The following DPP10 variants were observed in gnomAD, a reference collection of about 807,000 sequenced individuals.
The protein encoded by DPP10 is dipeptidyl peptidase like 10.
A neutral mutation model predicts 120.9 loss-of-function variants in DPP10; 33 were observed. The ratio of observed to expected loss-of-function variants is 0.27; its 90% CI spans 0.21 to 0.37. DPP10 has a LOEUF of 0.37. Among genes scored for constraint, DPP10 ranks in the 10% least tolerant of loss-of-function variants. DPP10 has a pLI of 1.00. For missense variants in DPP10, 816 were observed against 942.8 expected, an observed-to-expected ratio of 0.87 and a Z score of 1.76; for synonymous variants, 337 against 326.1, an observed-to-expected ratio of 1.03 and a Z score of -0.36.
Position 115,844,079 on chromosome 2 carries a change from G to A in DPP10, c.*1734G>A, listed in dbSNP as rs745813444. 1.3e-5 allele frequency: 2 copies of A among 152,504 alleles called. No homozygotes were observed. Among genetic ancestry groups the A allele is most frequent in the Non-Finnish European group, 2.9e-5 (2 of 67,978 alleles). 9.4% of individuals were successfully genotyped at this position (152,504 alleles called of 1,614,324 possible). On this transcript the variant is annotated 3_prime_UTR_variant, in exon 26 of 26. Coordinates refer to ENST00000410059, the MANE Select transcript of DPP10 (RefSeq NM_020868.6). ...ACTGGGTTCAATTTAAAATAGGAGA[G>A]GCTTTCTCTTCTGAAAGATCCATTT...
intron 19 of DPP10, 105 bp from the exon 20 acceptor site, chr2:115,814,688 G>A: frequency 1.1e-6 from 1 of 876,840 alleles, no homozygotes; most frequent in Non-Finnish European, 1.6e-6. Flanking sequence ...AATTTTAATA[G>A]CCAGCACAGT....
At chr2:114,957,778 A>G (rs1698324199) in intron 1 of DPP10, among the ~76,000 whole-genome samples, 1 of 152,254 alleles carries the variant, frequency 6.6e-6, no homozygotes, top group Non-Finnish European at 1.5e-5. Flanking sequence ...ATCCTTAAAA[A>G]AGAAGGAAAT....
chr2:114,663,271 T>TACAC (rs1553478924), intron 1 of DPP10, among the ~76,000 whole-genome samples: 9 of 147,300 alleles, frequency 6.1e-5, no homozygotes, highest in African/African-American at 2.0e-4. Context: ...TATATATATA[T>TACAC]ACACACACAT....
At chr2:114,751,471 G>A (rs1669746381) in intron 1 of DPP10, among the ~76,000 whole-genome samples, 1 of 152,124 alleles carries the variant, frequency 6.6e-6, no homozygotes, top group South Asian at 2.1e-4. Context: ...GGACATCTAG[G>A]GAGTCTTGCC....
intron 13 of DPP10, 28 bp from the exon 14 acceptor site, chr2:115,777,180 A>G: frequency 1.2e-6 from 2 of 1,603,736 alleles, no homozygotes; most frequent in Non-Finnish European, 1.7e-6. Context: ...AAATGAAAGG[A>G]AAATCAATAT....
intron 5 of DPP10, among the ~76,000 whole-genome samples, chr2:115,682,386 G>T (rs547777309): frequency 6.6e-6 from 1 of 151,964 alleles, no homozygotes; most frequent in Admixed American, 6.6e-5. Flanking sequence ...ACTCAAGAGT[G>T]TAGTATGGTG....
intron 1 of DPP10, among the ~76,000 whole-genome samples, chr2:115,216,996 G>A (rs1054001294): frequency 6.6e-6 from 1 of 151,924 alleles, no homozygotes. Context: ...CAGCACACAC[G>A]TCAAATAGAT....
chr2:114,461,964 T>G (rs1318068849), intron 1 of DPP10: 11 of 985,402 alleles, frequency 1.1e-5, no homozygotes, highest in Non-Finnish European at 1.3e-5. Context: ...CTCGACCATC[T>G]AAGATACAGA....
rs541971461 is a variant in DPP10, at chr2:114,802,469, A to G, written c.60+359631A>G. Among the ~76,000 whole-genome samples the G allele has an allele frequency of 1.9e-4, 29 of 152,326 alleles. No individual in the cohort carries two copies. The South Asian group carries it at 5.6e-3, about 29-fold the overall frequency. The stretch of plus-strand genomic sequence containing the variant: ...TAAAACCTATAAATATCACTTCATT[A>G]GTAGGATTCTATCCTCTTCCCTGCT... On this transcript the variant is annotated intron_variant, in intron 1 of 25. Transcript: ENST00000410059.
intron 1 of DPP10, among the ~76,000 whole-genome samples, chr2:115,104,734 G>A (rs190834833): frequency 3.2e-4 from 49 of 152,254 alleles, no homozygotes; most frequent in South Asian, 2.1e-3. Context: ...TTGGCCAGGC[G>A]CGGTGGCTCA....
intron 1 of DPP10, among the ~76,000 whole-genome samples, chr2:115,165,497 A>G (rs984785885): frequency 6.6e-6 from 1 of 152,248 alleles, no homozygotes; most frequent in African/African-American, 2.4e-5. Context: ...CTTCAACTAT[A>G]CAAGTAAATC....
At chr2:114,635,128 GT>G (rs971868630) in intron 1 of DPP10, among the ~76,000 whole-genome samples, 116 of 147,014 alleles carry the variant, frequency 7.9e-4, no homozygotes, top group Non-Finnish European at 1.1e-3. Context: ...CTTCCTCATT[GT>G]TTTTTTTTTC....
At chr2:115,671,180 A>G (rs1466023274) in intron 5 of DPP10, among the ~76,000 whole-genome samples, 2 of 152,066 alleles carry the variant, frequency 1.3e-5, no homozygotes, top group East Asian at 3.8e-4. Context: ...TGTTTTATCC[A>G]GTTTTTCTTT....
At chr2:114,506,725 T>C (rs1683691980) in intron 1 of DPP10, among the ~76,000 whole-genome samples, 1 of 152,082 alleles carries the variant, frequency 6.6e-6, no homozygotes, top group Non-Finnish European at 1.5e-5. Flanking sequence ...GGAACACAAC[T>C]GGGCCAAGCA....
chr2:114,674,835 C>T (rs61273778), intron 1 of DPP10, among the ~76,000 whole-genome samples: 3,949 of 152,234 alleles, frequency 0.026, 84 homozygotes, highest in African/African-American at 0.063. Flanking sequence ...CATCTAAAAA[C>T]GGAGGAACTA....
chr2:115,710,873 C>T (rs1197838471), intron 7 of DPP10, among the ~76,000 whole-genome samples: 2 of 152,002 alleles, frequency 1.3e-5, no homozygotes, highest in Non-Finnish European at 2.9e-5. Context: ...TCCCAAAGGT[C>T]ATAACCTTCA....
intron 8 of DPP10, among the ~76,000 whole-genome samples, chr2:115,729,610 A>T (rs906399681): frequency 3.9e-5 from 6 of 152,286 alleles, no homozygotes; most frequent in Middle Eastern, 3.4e-3. Flanking sequence ...CTACTAAAAA[A>T]TTTTTAAAAA....
chr2:114,491,607 CT>C (rs1682008317), intron 1 of DPP10, among the ~76,000 whole-genome samples: 1 of 152,152 alleles, frequency 6.6e-6, no homozygotes, highest in Non-Finnish European at 1.5e-5. Flanking sequence ...TTCATTTCCA[CT>C]GGAAACTTAC....
intron 5 of DPP10, among the ~76,000 whole-genome samples, chr2:115,526,907 G>A (rs2078165460): frequency 6.6e-6 from 1 of 152,122 alleles, no homozygotes; most frequent in Non-Finnish European, 1.5e-5. Flanking sequence ...TTAGTCAAAG[G>A]CCTCTTTTCC....
Sources: allele counts gnomAD v4.1 joint callset (sites outside exome capture counted in the v4.1 genomes callset), GRCh38; gene constraint gnomAD v4.1.1; transcripts MANE v1.5; gene names NCBI Gene and HGNC (gene_info 2026-07-23, HGNC 2026-07-21).